Variants in MGRN1 observed in about 807,000 individuals in gnomAD.
MGRN1 encodes E3 ubiquitin-protein ligase MGRN1.
Under a neutral mutation model 69.2 loss-of-function variants are expected in MGRN1, and 29 were observed. The observed-to-expected ratio is 0.42, with a 90% CI of 0.31 to 0.57. The LOEUF (loss-of-function observed/expected upper bound fraction) is 0.57. MGRN1 is among the 20% of genes least tolerant of loss of function. The pLI, the probability that MGRN1 is intolerant of heterozygous loss-of-function variation, is 0.15. For missense variants in MGRN1, 998 were observed against 796.2 expected, an observed-to-expected ratio of 1.25 and a Z score of -3.05; for synonymous variants, 470 against 344.2, an observed-to-expected ratio of 1.37 and a Z score of -4.04.
At chr16:4,650,232 G>T (rs957176363) in intron 1 of MGRN1, 133 bp from the exon 2 acceptor site, 4 of 629,920 alleles carry the variant, frequency 6.4e-6, no homozygotes, top group Non-Finnish European at 1.1e-5. Context: ...GAACCCGGTG[G>T]GCGGAGCTTG....
chr16:4,689,074 T>A lies in MGRN1; in HGVS notation c.*166T>A, dbSNP rs764947997. On this transcript the variant is annotated 3_prime_UTR_variant, in exon 17 of 17. Transcript: ENST00000262370. ...ATCAAAGAGCACAGTGAACTGTCCC[T>A]TCTGAGTCTCCCTTTTCTACAGTTG... 3.8e-5 allele frequency: 34 copies of A among 887,586 alleles called. No homozygotes were observed. The highest frequency in any genetic ancestry group is 5.5e-5 in the Non-Finnish European group (34 of 615,542). 55.0% of individuals were successfully genotyped at this position (887,586 alleles called of 1,614,324 possible).
chr16:4,662,475 C>A (rs979759639), intron 5 of MGRN1, among the ~76,000 whole-genome samples: 5 of 151,224 alleles, frequency 3.3e-5, no homozygotes, highest in African/African-American at 9.7e-5. Context: ...GACATCCTGC[C>A]ACTGCACTCC....
chr16:4,638,985 G>C (rs1435937269), intron 1 of MGRN1, among the ~76,000 whole-genome samples: 4 of 152,158 alleles, frequency 2.6e-5, no homozygotes, highest in Non-Finnish European at 5.9e-5. Flanking sequence ...GACAGTGCAG[G>C]CTCTGGAGTC....
At chr16:4,646,738 T>A (rs578056696) in intron 1 of MGRN1, among the ~76,000 whole-genome samples, 2 of 152,332 alleles carry the variant, frequency 1.3e-5, no homozygotes, top group Admixed American at 6.5e-5. Flanking sequence ...GGAGGTGAGA[T>A]GCGCTGGGGG....
In MGRN1 at chr16:4,689,720, T is replaced by G. The variant is rs1034416544; in HGVS notation, c.*812T>G. 6.6e-6 allele frequency: 1 copy of G among 151,564 alleles called. No individual in the cohort carries two copies. Among genetic ancestry groups the G allele is most frequent in the East Asian group, 1.9e-4 (1 of 5,178 alleles). 9.4% of individuals were successfully genotyped at this position (151,564 alleles called of 1,614,324 possible). A position where few individuals can be genotyped will look rare whatever the true frequency, so the allele number is the denominator to read the frequency against. ...CCCTGCCAGGGAGGACCTGGTGGCCTCCTCATTCTCTTTTGCCATTGGAAT... is the reference window on the plus strand; with the variant it reads ...CCCTGCCAGGGAGGACCTGGTGGCCGCCTCATTCTCTTTTGCCATTGGAAT... On this transcript the variant is annotated 3_prime_UTR_variant, in exon 17 of 17. Coordinates refer to ENST00000262370, the MANE Select transcript of MGRN1 (RefSeq NM_015246.4).
intron 1 of MGRN1, among the ~76,000 whole-genome samples, chr16:4,628,079 CA>C (rs747646208): frequency 0.021 from 1,210 of 58,000 alleles, 17 homozygotes; most frequent in African/African-American, 0.068. Context: ...GACTCCGTCT[CA>C]AAAAAAAAAA....
chr16:4,679,093 C>T (rs2079118786), intron 11 of MGRN1, among the ~76,000 whole-genome samples: 1 of 152,238 alleles, frequency 6.6e-6, no homozygotes. Flanking sequence ...CTCCTGGCAC[C>T]ACGCTCTCCA....
At position 4,680,279 on chromosome 16, in the gene MGRN1, C is replaced by T. The variant is rs550251466; in HGVS notation, c.1131+182C>T. 2.1e-5 allele frequency: 13 copies of T among 620,770 alleles called. 1 individual carries two copies. The highest frequency in any genetic ancestry group is 1.1e-4 in the African/African-American group (6 of 53,358). The allele number at this position is 620,770 out of a possible 1,614,324, so 38.5% of individuals were successfully genotyped here. ...TGTGGAACCGGAAAAGCTCTCGGTC[C>T]GTGGGCGAAACGCCAGGTGCGCTGG... is the stretch of plus-strand genomic sequence containing the variant. On this transcript the variant is annotated intron_variant, in intron 12 of 16. Transcript: ENST00000262370.
chr16:4,671,531 C>G, intron 9 of MGRN1, 72 bp downstream of exon 9: 2 of 1,423,084 alleles, frequency 1.4e-6, no homozygotes, highest in Middle Eastern at 1.8e-4. Flanking sequence ...GACAGCAATG[C>G]TTGCCGGTTC....
intron 9 of MGRN1, 110 bp downstream of exon 9, chr16:4,671,569 G>C: frequency 1.1e-6 from 1 of 920,342 alleles, no homozygotes; most frequent in Non-Finnish European, 1.8e-6. Flanking sequence ...TGGAGTCCTA[G>C]ACCCGCTAGA....
chr16:4,638,967 C>G (rs1421834199), intron 1 of MGRN1, among the ~76,000 whole-genome samples: 1 of 152,166 alleles, frequency 6.6e-6, no homozygotes, highest in Non-Finnish European at 1.5e-5. Context: ...GGCTTACTTC[C>G]CATGGCTGAC....
At position 4,650,674 on chromosome 16, in the gene MGRN1, C is replaced by G. The variant is rs80265182; in HGVS notation, c.207+191C>G. The G allele has an allele frequency of 1.4e-3, 657 of 456,532 alleles. 4 individuals are homozygous for G. The highest frequency in any genetic ancestry group is 0.012 in the African/African-American group (591 of 49,550). The allele number at this position is 456,532 out of a possible 1,614,324, so 28.3% of individuals were successfully genotyped here. A position where few individuals can be genotyped will look rare whatever the true frequency, so the allele number is the denominator to read the frequency against. Reference sequence around the variant, plus strand: ...AATGGGTTGTGTCCTGGTGCTGCCCCCTAGAGGCCAGATGGCCAGGGGCAG... The same window carrying G: ...AATGGGTTGTGTCCTGGTGCTGCCCGCTAGAGGCCAGATGGCCAGGGGCAG... On this transcript the variant is annotated intron_variant, in intron 2 of 16. Transcript: ENST00000262370.
chr16:4,631,004 T>C (rs1212156316), intron 1 of MGRN1, among the ~76,000 whole-genome samples: 2 of 151,946 alleles, frequency 1.3e-5, no homozygotes, highest in Non-Finnish European at 1.5e-5. Flanking sequence ...ATTTTTTTTG[T>C]AGAGACAGGG....
chr16:4,686,074 T>A (rs1211751120), intron 16 of MGRN1, among the ~76,000 whole-genome samples: 1 of 150,746 alleles, frequency 6.6e-6, no homozygotes, highest in African/African-American at 2.4e-5. Context: ...CTCCTCCGCG[T>A]TGAATTCTGG....
chr16:4,638,890 G>A (rs1345232747), intron 1 of MGRN1, among the ~76,000 whole-genome samples: 1 of 152,176 alleles, frequency 6.6e-6, no homozygotes, highest in Non-Finnish European at 1.5e-5. Flanking sequence ...CACCCCTGGT[G>A]TCCCGGGTCC....
At chr16:4,678,544 C>T (rs564600086) in intron 11 of MGRN1, among the ~76,000 whole-genome samples, 1 of 148,684 alleles carries the variant, frequency 6.7e-6, no homozygotes, top group Non-Finnish European at 1.5e-5. Flanking sequence ...GACGGAGAGA[C>T]AGATGTGGAG....
intron 5 of MGRN1, among the ~76,000 whole-genome samples, chr16:4,660,608 G>A (rs887151010): frequency 6.6e-6 from 1 of 152,240 alleles, no homozygotes; most frequent in African/African-American, 2.4e-5. Context: ...GGGCAGGGGC[G>A]CGGGGGTGGA....
chr16:4,677,889 C>G (rs1443275922), intron 11 of MGRN1, among the ~76,000 whole-genome samples: 2 of 144,678 alleles, frequency 1.4e-5, no homozygotes, highest in African/African-American at 5.1e-5. Context: ...GTCACCGAGG[C>G]TGGTGTGCAC....
intron 5 of MGRN1, among the ~76,000 whole-genome samples, chr16:4,658,329 A>T: frequency 6.6e-6 from 1 of 151,252 alleles, no homozygotes; most frequent in Admixed American, 6.6e-5. Context: ...AGGTCAGGAG[A>T]TCAAGACCAT....
Sources: allele counts gnomAD v4.1 joint callset (sites outside exome capture counted in the v4.1 genomes callset), GRCh38; gene constraint gnomAD v4.1.1; transcripts MANE v1.5; gene names NCBI Gene and HGNC (gene_info 2026-07-23, HGNC 2026-07-21).